The following MTA1 variants were observed in gnomAD, a reference collection of about 807,000 sequenced individuals.
The protein encoded by MTA1 is metastasis-associated protein MTA1.
A neutral mutation model predicts 97.0 loss-of-function variants in MTA1; 15 were observed. That is an observed-to-expected ratio of 0.15 (90% confidence interval 0.10 to 0.24). The LOEUF (loss-of-function observed/expected upper bound fraction) is 0.24. MTA1 is among the 10% of genes least tolerant of loss of function. The pLI is 1.00. For synonymous variants in MTA1, 435 were observed against 417.5 expected (o/e 1.04, Z -0.51); for missense variants, 709 against 1,015.1 (o/e 0.70, Z 4.10).
intron 1 of MTA1, 46 bp from the exon 2 acceptor site, chr14:105,438,626 T>C (rs1180416616): frequency 1.9e-6 from 3 of 1,584,500 alleles, no homozygotes; most frequent in South Asian, 2.2e-5. Flanking sequence ...GGACTGGGTC[T>C]GGCCTTTGGT....
chr14:105,451,547 A>C (rs1476632590), intron 6 of MTA1, among the ~76,000 whole-genome samples: 1 of 152,206 alleles, frequency 6.6e-6, no homozygotes, highest in Admixed American at 6.5e-5. Context: ...GCCCTTATTG[A>C]CAGAGCCACA....
intron 1 of MTA1, among the ~76,000 whole-genome samples, chr14:105,433,376 G>A (rs782558774): frequency 6.6e-6 from 1 of 152,212 alleles, no homozygotes; most frequent in Non-Finnish European, 1.5e-5. Flanking sequence ...CCAGAGGTCA[G>A]GCTGATGCCA....
chr14:105,466,658 G>A, intron 17 of MTA1, 49 bp from the exon 18 acceptor site: 1 of 1,600,396 alleles, frequency 6.2e-7, no homozygotes, highest in Non-Finnish European at 8.5e-7. Context: ...CACCCGCCGT[G>A]CGTGCTGACG....
At chr14:105,460,586 A>G in intron 9 of MTA1, 129 bp downstream of exon 9, 1 of 1,197,380 alleles carries the variant, frequency 8.4e-7, no homozygotes, top group Non-Finnish European at 1.1e-6. Flanking sequence ...GTGCTGTCCC[A>G]CCTGGACTGG....
intron 3 of MTA1, among the ~76,000 whole-genome samples, chr14:105,447,299 G>T (rs587736157): frequency 1.3e-5 from 2 of 152,178 alleles, no homozygotes; most frequent in Non-Finnish European, 2.9e-5. Flanking sequence ...GGGGAGTCAG[G>T]CGCCACCGTT....
In MTA1 at chr14:105,463,285, G is replaced by C; in HGVS notation, c.1017+27G>C. 4 of 1,609,540 alleles carry C rather than the reference G, an allele frequency of 2.5e-6. No individual in the cohort carries two copies. The highest frequency in any genetic ancestry group is 3.4e-6 in the Non-Finnish European group (4 of 1,178,914). ...TGAGCCCGCCCGCCACTCAGTGCCC[G>C]GGGTGTGCCGCCTCCCCGTCCTGCG... On this transcript the variant is annotated intron_variant, in intron 11 of 20. Coordinates refer to ENST00000331320, the MANE Select transcript of MTA1 (RefSeq NM_004689.4). The surrounding 1 kb of genome is among the most constrained non-coding windows in gnomAD (Gnocchi z 5.9).
At chr14:105,436,561 C>A (rs1555424425) in intron 1 of MTA1, among the ~76,000 whole-genome samples, 1 of 152,198 alleles carries the variant, frequency 6.6e-6, no homozygotes, top group Non-Finnish European at 1.5e-5. Context: ...GTAGGTGGCC[C>A]CACTGCACGC....
intron 1 of MTA1, among the ~76,000 whole-genome samples, chr14:105,426,050 C>T (rs1320018263): frequency 5.9e-5 from 9 of 152,102 alleles, no homozygotes; most frequent in African/African-American, 9.7e-5. Flanking sequence ...TTTCTCTGCC[C>T]GGTGGCCTGA....
rs1175218327 is a variant in MTA1, at chr14:105,420,862, C to T, written c.28+799C>T. On this transcript the variant is annotated intron_variant, in intron 1 of 20. Coordinates refer to ENST00000331320, the MANE Select transcript of MTA1 (RefSeq NM_004689.4). The surrounding 1 kb of genome is among the most constrained non-coding windows in gnomAD (Gnocchi z 5.3). ...GGAAGGTGGGGGGTCGTGTGCATTC[C>T]ATCATTCCATCAGCGCCTCCCTCCC... 6.6e-6 allele frequency among the ~76,000 whole-genome samples: 1 copy of T among 152,140 alleles called. No homozygotes were observed. Among genetic ancestry groups the T allele is most frequent in the East Asian group, 1.9e-4 (1 of 5,170 alleles).
intron 18 of MTA1, 179 bp from the exon 19 acceptor site, chr14:105,469,288 G>T: frequency 1.5e-6 from 1 of 666,712 alleles, no homozygotes; most frequent in South Asian, 1.7e-5. Flanking sequence ...GCCACCAGGC[G>T]GCCCAGGACC....
chr14:105,423,049 T>C lies in MTA1; in HGVS notation c.28+2986T>C, dbSNP rs587718257. Among the ~76,000 whole-genome samples the C allele has an allele frequency of 9.5e-4, 144 of 152,220 alleles. 1 individual carries two copies. Among genetic ancestry groups the C allele is most frequent in the Non-Finnish European group, 1.5e-3 (102 of 68,010 alleles). ...CTGGGTTGAACATGAAGATGTTAGA[T>C]AGCATCCAAAACAGGACAGCAGGAA... On this transcript the variant is annotated intron_variant, in intron 1 of 20. Transcript: ENST00000331320.
intron 1 of MTA1, among the ~76,000 whole-genome samples, chr14:105,432,257 T>G (rs1555423515): frequency 6.6e-6 from 1 of 152,124 alleles, no homozygotes; most frequent in East Asian, 1.9e-4. Context: ...TTATTTATTT[T>G]TGAGACGGAG....
chr14:105,438,724 C>T lies in MTA1; in HGVS notation c.81C>T (p.Ile27=), dbSNP rs141961269. 57 of 1,612,846 alleles carry T rather than the reference C, an allele frequency of 3.5e-5. No homozygotes were observed. The African/African-American group carries it at 4.0e-4, about 11-fold the overall frequency. The change falls in exon 2 of 21, where the codon ATC becomes ATT. Residue 27 remains isoleucine (I), a synonymous_variant. Transcript: ENST00000331320. Reference sequence around the variant, plus strand: ...GCAACCCATACCTGATCCGGAGAATCGAGGAGCTCAACAAGGTACTGGGGG... The same window carrying T: ...GCAACCCATACCTGATCCGGAGAATTGAGGAGCTCAACAAGGTACTGGGGG... ...SSSNPYLIRR[I]EELNKTANGN...
intron 10 of MTA1, among the ~76,000 whole-genome samples, chr14:105,462,029 G>A (rs587618133): frequency 4.9e-4 from 74 of 152,382 alleles, no homozygotes; most frequent in African/African-American, 1.7e-3. Flanking sequence ...GGTTCCAGCG[G>A]AGGAGACCCC....
intron 10 of MTA1, 130 bp downstream of exon 10, chr14:105,461,083 G>C (rs1555430977): frequency 1.0e-6 from 1 of 982,342 alleles, no homozygotes; most frequent in Non-Finnish European, 1.5e-6. Context: ...CCTGTGCGGA[G>C]CTGCATGAGT....
intron 1 of MTA1, among the ~76,000 whole-genome samples, chr14:105,421,685 G>T (rs2141379748): frequency 6.6e-6 from 1 of 152,354 alleles, no homozygotes; most frequent in East Asian, 1.9e-4. Context: ...CCCATGGTGT[G>T]GGTGAGGACC....
intron 18 of MTA1, chr14:105,468,211 T>C: frequency 1.9e-6 from 2 of 1,034,256 alleles, no homozygotes; most frequent in Non-Finnish European, 2.7e-6. Context: ...GCCCCAGCGC[T>C]CTAACCCGGC....
At chr14:105,443,516 C>T (rs1337091220) in intron 2 of MTA1, among the ~76,000 whole-genome samples, 1 of 152,214 alleles carries the variant, frequency 6.6e-6, no homozygotes, top group African/African-American at 2.4e-5. Flanking sequence ...GGACTACAGG[C>T]GCACACCACT....
chr14:105,438,635 G>C (rs782684398), intron 1 of MTA1, 37 bp from the exon 2 acceptor site: 3 of 1,606,314 alleles, frequency 1.9e-6, no homozygotes, highest in Non-Finnish European at 2.6e-6. Context: ...CTGGCCTTTG[G>C]TGCCACAGGT....
Sources: allele counts gnomAD v4.1 joint callset (sites outside exome capture counted in the v4.1 genomes callset), GRCh38; gene constraint gnomAD v4.1.1; non-coding constraint Gnocchi (gnomAD v3.1); transcripts MANE v1.5; gene names NCBI Gene and HGNC (gene_info 2026-07-23, HGNC 2026-07-21).